GABRG2: variants seen among roughly 807,000 people sequenced by gnomAD.
GABRG2 encodes gamma-aminobutyric acid receptor subunit gamma-2.
A neutral mutation model predicts 56.4 loss-of-function variants in GABRG2; 16 were observed. The observed-to-expected ratio is 0.28, with a 90% CI of 0.19 to 0.43. GABRG2 has a LOEUF of 0.43. Among genes scored for constraint, GABRG2 ranks in the 20% least tolerant of loss-of-function variants. The probability of loss-of-function intolerance (pLI) is 1.00; values close to 1 mark genes in which losing one functional copy is unlikely to be tolerated. For missense variants in GABRG2, 327 were observed against 582.7 expected, an observed-to-expected ratio of 0.56 and a Z score of 4.52; for synonymous variants, 208 against 205.5, an observed-to-expected ratio of 1.01 and a Z score of -0.10.
At chr5:162,095,845 A>T (rs1364381147) in intron 3 of GABRG2, among the ~76,000 whole-genome samples, 1 of 152,044 alleles carries the variant, frequency 6.6e-6, no homozygotes, top group Non-Finnish European at 1.5e-5. Context: ...GCTACTTACT[A>T]CAAAATAGGA....
intron 1 of GABRG2, among the ~76,000 whole-genome samples, chr5:162,070,394 G>C (rs1758576967): frequency 2.0e-5 from 3 of 151,940 alleles, no homozygotes; most frequent in Non-Finnish European, 4.4e-5. Flanking sequence ...TAGAAGCTTT[G>C]ATTTATAAAG....
chr5:162,093,374 G>T (rs569991538), intron 1 of GABRG2, among the ~76,000 whole-genome samples: 2 of 152,228 alleles, frequency 1.3e-5, no homozygotes, highest in African/African-American at 4.8e-5. Context: ...CTGGCAGTTT[G>T]TGGGAGGGAA....
chr5:162,115,897 A>G (rs1030721827), intron 6 of GABRG2, among the ~76,000 whole-genome samples: 1 of 152,090 alleles, frequency 6.6e-6, no homozygotes, highest in Non-Finnish European at 1.5e-5. Flanking sequence ...AGCACTTTCT[A>G]TACATCAGCT....
At chr5:162,077,073 CTGTGTGTGTGTG>C (rs55938019) in intron 1 of GABRG2, among the ~76,000 whole-genome samples, 32 of 146,736 alleles carry the variant, frequency 2.2e-4, no homozygotes, top group Admixed American at 6.8e-4. Flanking sequence ...ACAACTACCC[CTGTGTGTGTGTG>C]TGTGTGTGTG....
At chr5:162,084,151 ACTTTGCC>A in intron 1 of GABRG2, among the ~76,000 whole-genome samples, 1 of 151,914 alleles carries the variant, frequency 6.6e-6, no homozygotes, top group South Asian at 2.1e-4. Context: ...ATAAACTGAG[ACTTTGCC>A]CTCAGTATAA....
chr5:162,079,213 C>T (rs576616161), intron 1 of GABRG2, among the ~76,000 whole-genome samples: 5 of 152,186 alleles, frequency 3.3e-5, no homozygotes, highest in East Asian at 3.9e-4. Flanking sequence ...TCCCTTTGCA[C>T]GTGCAGCTCA....
chr5:162,092,507 T>C (rs922291327), intron 1 of GABRG2, among the ~76,000 whole-genome samples: 14 of 152,178 alleles, frequency 9.2e-5, no homozygotes, highest in Admixed American at 3.3e-4. Context: ...ATAATCATCT[T>C]CTGCAATATT....
chr5:162,091,895 T>G (rs916026272), intron 1 of GABRG2, among the ~76,000 whole-genome samples: 1 of 152,054 alleles, frequency 6.6e-6, no homozygotes, highest in South Asian at 2.1e-4. Context: ...ATAGGGTGCA[T>G]GTGTCTTGAG....
intron 1 of GABRG2, among the ~76,000 whole-genome samples, chr5:162,086,525 T>C (rs922887069): frequency 2.6e-5 from 4 of 151,958 alleles, no homozygotes; most frequent in Admixed American, 6.6e-5. Context: ...TAAAAACCCA[T>C]GTAATTGCAA....
chr5:162,067,880 A>G lies in GABRG2; in HGVS notation c.-120A>G. 1.4e-6 allele frequency: 1 copy of G among 735,054 alleles called. No individual in the cohort carries two copies. Among genetic ancestry groups the G allele is most frequent in the Non-Finnish European group, 2.4e-6 (1 of 410,832 alleles). The allele number at this position is 735,054 out of a possible 1,614,324, so 45.5% of individuals were successfully genotyped here. A position where few individuals can be genotyped will look rare whatever the true frequency, so the allele number is the denominator to read the frequency against. ...TAGCAATCCATCTCCCCAGTGAAGG[A>G]CCTACTAGAGGCAGGTGGGGGGAGC... On this transcript the variant is annotated 5_prime_UTR_variant, in exon 1 of 10. Coordinates refer to ENST00000639213, the MANE Select transcript of GABRG2 (RefSeq NM_198904.4).
rs184439258 is a variant in GABRG2 at position 162,112,559 on chromosome 5, A to G, written c.769+8533A>G. On this transcript the variant is annotated intron_variant, in intron 6 of 9. Transcript: ENST00000639213. Reference sequence around the variant, plus strand: ...CTTATTCTTGCAGTTTCAGAAAATAATGCTATTCAGCATTGCAGATACGCA... The same window carrying G: ...CTTATTCTTGCAGTTTCAGAAAATAGTGCTATTCAGCATTGCAGATACGCA... Among the ~76,000 whole-genome samples the G allele has an allele frequency of 5.9e-5, 9 of 152,344 alleles. No homozygotes were observed. The East Asian group carries it at 1.7e-3, about 29-fold the overall frequency.
At chr5:162,127,772 G>A (rs1394090433) in intron 6 of GABRG2, among the ~76,000 whole-genome samples, 2 of 152,114 alleles carry the variant, frequency 1.3e-5, no homozygotes, top group East Asian at 3.9e-4. Flanking sequence ...ATCAATCAAA[G>A]GAAGGGAATG....
At chr5:162,072,519 C>T (rs1019668053) in intron 1 of GABRG2, among the ~76,000 whole-genome samples, 3 of 152,010 alleles carry the variant, frequency 2.0e-5, no homozygotes, top group Non-Finnish European at 4.4e-5. Flanking sequence ...ATGAATATTC[C>T]AGATGTGATA....
At chr5:162,127,609 T>A (rs1763433236) in intron 6 of GABRG2, among the ~76,000 whole-genome samples, 1 of 151,946 alleles carries the variant, frequency 6.6e-6, no homozygotes, top group Admixed American at 6.6e-5. Context: ...CTGGATATGA[T>A]CCTATCCTCC....
chr5:162,141,696 AAT>A (rs1340073895), intron 6 of GABRG2, among the ~76,000 whole-genome samples: 4 of 152,174 alleles, frequency 2.6e-5, no homozygotes, highest in Non-Finnish European at 5.9e-5. Context: ...TTCTGAGTAA[AAT>A]ATTCATTTAT....
intron 1 of GABRG2, among the ~76,000 whole-genome samples, chr5:162,084,345 A>G (rs1344288348): frequency 6.6e-6 from 1 of 151,922 alleles, no homozygotes; most frequent in Non-Finnish European, 1.5e-5. Flanking sequence ...AATATTGAAG[A>G]TGATGCTATT....
In GABRG2 at chr5:162,094,026, C is replaced by A. The variant is rs1760814751; in HGVS notation, c.259+47C>A. On this transcript the variant is annotated intron_variant, in intron 2 of 9. Transcript: ENST00000639213. Reference sequence around the variant, plus strand: ...TGTGCTATAGATAGGAGCACATAAACATGTCTACTTTAATAGATAAAACAT... The same window carrying A: ...TGTGCTATAGATAGGAGCACATAAAAATGTCTACTTTAATAGATAAAACAT... The A allele has an allele frequency of 5.7e-6, 9 of 1,585,374 alleles. No individual in the cohort carries two copies. The Admixed American group carries it at 1.5e-4, about 27-fold the overall frequency.
chr5:162,124,203 T>C (rs972105176), intron 6 of GABRG2, among the ~76,000 whole-genome samples: 1 of 151,896 alleles, frequency 6.6e-6, no homozygotes, highest in African/African-American at 2.4e-5. Flanking sequence ...CCAAGTGTTT[T>C]CAAGTGATTG....
chr5:162,138,381 T>C (rs1764296526), intron 6 of GABRG2, among the ~76,000 whole-genome samples: 1 of 152,186 alleles, frequency 6.6e-6, no homozygotes, highest in South Asian at 2.1e-4. Context: ...CCAATTCAAG[T>C]GTTTAATGAG....
Sources: allele counts gnomAD v4.1 joint callset (sites outside exome capture counted in the v4.1 genomes callset), GRCh38; gene constraint gnomAD v4.1.1; transcripts MANE v1.5; gene names NCBI Gene and HGNC (gene_info 2026-07-23, HGNC 2026-07-21).